ZNF423: variants seen among roughly 807,000 people sequenced by gnomAD.
ZNF423 encodes the protein Ebf-associated zinc finger protein.
A neutral mutation model predicts 95.8 loss-of-function variants in ZNF423; 12 were observed. That is an observed-to-expected ratio of 0.13 (90% CI 0.08 to 0.20). ZNF423 has a LOEUF of 0.20. Ranked by LOEUF, ZNF423 falls within the 10% of genes least tolerant of loss-of-function variation. The probability of loss-of-function intolerance (pLI) is 1.00; values close to 1 mark genes in which losing one functional copy is unlikely to be tolerated. For synonymous variants in ZNF423, 749 were observed against 711.9 expected, an observed-to-expected ratio of 1.05 and a Z score of -0.83; for missense variants, 1,316 against 1,737.1, an observed-to-expected ratio of 0.76 and a Z score of 4.31.
At chr16:49,830,252 A>G (rs1403389617) in intron 1 of ZNF423, among the ~76,000 whole-genome samples, 1 of 152,140 alleles carries the variant, frequency 6.6e-6, no homozygotes, top group Admixed American at 6.5e-5. Flanking sequence ...AAAGCCATGC[A>G]GAGGAAAGAA....
At chr16:49,671,904 C>T (rs961095500) in intron 3 of ZNF423, among the ~76,000 whole-genome samples, 4 of 152,102 alleles carry the variant, frequency 2.6e-5, no homozygotes, top group Admixed American at 2.6e-4. Flanking sequence ...AGGCTGGTCT[C>T]AAACTCCTGA....
chr16:49,678,158 G>A (rs979978534), intron 3 of ZNF423, among the ~76,000 whole-genome samples: 6 of 152,036 alleles, frequency 3.9e-5, no homozygotes, highest in East Asian at 1.9e-4. Flanking sequence ...ACTCCAGCCC[G>A]GGTGACAGAG....
At chr16:49,721,437 G>C (rs1412999791) in intron 3 of ZNF423, among the ~76,000 whole-genome samples, 1 of 152,138 alleles carries the variant, frequency 6.6e-6, no homozygotes, top group African/African-American at 2.4e-5. Context: ...CAGCAGGCTG[G>C]ACCCAGACCA....
intron 5 of ZNF423, among the ~76,000 whole-genome samples, chr16:49,564,131 G>A (rs1597108754): frequency 6.6e-6 from 1 of 152,294 alleles, no homozygotes; most frequent in Middle Eastern, 3.4e-3. Context: ...TGAGGACACA[G>A]CAAATTGTTA....
chr16:49,831,218 G>A (rs1203543463), intron 1 of ZNF423, among the ~76,000 whole-genome samples: 2 of 152,108 alleles, frequency 1.3e-5, no homozygotes, highest in Non-Finnish European at 2.9e-5. Context: ...CAGAAATAAA[G>A]AGTTAAAGAA....
At chr16:49,676,237 T>C (rs1258769852) in intron 3 of ZNF423, among the ~76,000 whole-genome samples, 1 of 152,258 alleles carries the variant, frequency 6.6e-6, no homozygotes, top group Non-Finnish European at 1.5e-5. Context: ...CCCTTGCAGC[T>C]GTGCTGCAGA....
chr16:49,602,163 G>A (rs1251230591), intron 5 of ZNF423, among the ~76,000 whole-genome samples: 5 of 152,216 alleles, frequency 3.3e-5, no homozygotes, highest in African/African-American at 7.2e-5. Context: ...TGGAAGCCCC[G>A]AAATAACAGA....
intron 3 of ZNF423, among the ~76,000 whole-genome samples, chr16:49,656,511 A>T (rs900008416): frequency 6.6e-6 from 1 of 151,080 alleles, no homozygotes; most frequent in Non-Finnish European, 1.5e-5. Flanking sequence ...CTCTGTCTTA[A>T]AAAAAAAAGA....
At chr16:49,610,076 C>G (rs577819399) in intron 5 of ZNF423, among the ~76,000 whole-genome samples, 2 of 152,164 alleles carry the variant, frequency 1.3e-5, no homozygotes, top group African/African-American at 4.8e-5. Flanking sequence ...ATCCAGAGTT[C>G]TTCTACATCC....
intron 3 of ZNF423, among the ~76,000 whole-genome samples, chr16:49,645,459 G>A (rs1973135149): frequency 6.6e-6 from 1 of 152,228 alleles, no homozygotes; most frequent in Non-Finnish European, 1.5e-5. Context: ...GATGATGTCT[G>A]CCATGAGCAG....
At chr16:49,688,824 G>A (rs2031667925) in intron 3 of ZNF423, among the ~76,000 whole-genome samples, 1 of 152,186 alleles carries the variant, frequency 6.6e-6, no homozygotes, top group Admixed American at 6.5e-5. Context: ...CTGTAGGATT[G>A]GCTTCTTTCA....
intron 3 of ZNF423, among the ~76,000 whole-genome samples, chr16:49,654,125 C>T (rs1352565020): frequency 6.6e-6 from 1 of 152,204 alleles, no homozygotes; most frequent in Non-Finnish European, 1.5e-5. Context: ...GTAGAAGGAG[C>T]TTGGAATGAC....
At chr16:49,663,160 C>G (rs1367985363) in intron 3 of ZNF423, among the ~76,000 whole-genome samples, 1 of 152,232 alleles carries the variant, frequency 6.6e-6, no homozygotes, top group East Asian at 1.9e-4. Context: ...ACACCCCGCG[C>G]CAGCAACACC....
At chr16:49,520,160 A>G (rs1968334171) in intron 7 of ZNF423, among the ~76,000 whole-genome samples, 2 of 152,060 alleles carry the variant, frequency 1.3e-5, no homozygotes, top group Admixed American at 1.3e-4. Context: ...TCATCTTTTC[A>G]CCACTGTCTT....
intron 3 of ZNF423, among the ~76,000 whole-genome samples, chr16:49,671,711 TCTCA>T (rs1567280514): frequency 6.6e-6 from 1 of 152,050 alleles, no homozygotes; most frequent in Non-Finnish European, 1.5e-5. Context: ...TGAGGCGGAG[TCTCA>T]CTCTGTCGCC....
chr16:49,740,396 G>A (rs1001829337), intron 2 of ZNF423, among the ~76,000 whole-genome samples: 138 of 152,166 alleles, frequency 9.1e-4, no homozygotes, highest in Non-Finnish European at 1.5e-3. Context: ...GCTGGGCAAA[G>A]AGCCCACCAA....
chr16:49,766,104 T>G (rs188390357), intron 2 of ZNF423, among the ~76,000 whole-genome samples: 114 of 152,238 alleles, frequency 7.5e-4, no homozygotes, highest in Non-Finnish European at 1.1e-3. Context: ...TACCACAATT[T>G]CTAAAAAGAA....
At chr16:49,661,614 T>C (rs992747867) in intron 3 of ZNF423, among the ~76,000 whole-genome samples, 1 of 152,188 alleles carries the variant, frequency 6.6e-6, no homozygotes, top group Non-Finnish European at 1.5e-5. Flanking sequence ...TTCCCGCTCA[T>C]CTTGGGAAAC....
chr16:49,628,534 T>C (rs200861183), intron 4 of ZNF423, among the ~76,000 whole-genome samples: 49 of 150,992 alleles, frequency 3.2e-4, no homozygotes, highest in South Asian at 3.2e-3. Context: ...TCCATCCATC[T>C]ATCCATCCAT....
Sources: gnomAD v4.1 joint callset for allele counts (sites outside exome capture counted in the v4.1 genomes callset) on GRCh38, gnomAD v4.1.1 for gene constraint, MANE v1.5 for transcripts, NCBI Gene and HGNC (gene_info 2026-07-23, HGNC 2026-07-21) for gene names.